B3GALNT2: variants seen among roughly 807,000 people sequenced by gnomAD.
The protein encoded by B3GALNT2 is beta-1,3-N-acetylgalactosaminyltransferase 2, also known as UDP-GalNAc:beta-1,3-N-acetylgalactosaminyltransferase 2.
B3GALNT2 carries 53 observed loss-of-function variants against 61.1 expected under a neutral mutation model. The observed-to-expected ratio is 0.87, with a 90% confidence interval of 0.70 to 1.09. The LOEUF (loss-of-function observed/expected upper bound fraction) is 1.09. Among genes scored for constraint, B3GALNT2 ranks in the 50% least tolerant of loss-of-function variants. The pLI is 0.00. For missense variants in B3GALNT2, 544 were observed against 623.0 expected, an observed-to-expected ratio of 0.87 and a Z score of 1.35; for synonymous variants, 223 against 237.4, an observed-to-expected ratio of 0.94 and a Z score of 0.56.
intron 4 of B3GALNT2, among the ~76,000 whole-genome samples, chr1:235,480,762 T>C (rs1417852884): frequency 2.0e-5 from 3 of 151,202 alleles, no homozygotes; most frequent in African/African-American, 7.3e-5. Flanking sequence ...AAAAATTAGC[T>C]GGGTGTGGTG....
chr1:235,446,940 G>GCTGGT (rs1164357661), downstream of B3GALNT2, among the ~76,000 whole-genome samples: 2 of 152,234 alleles, frequency 1.3e-5, no homozygotes, highest in African/African-American at 4.8e-5. Context: ...CTCCCAAAGT[G>GCTGGT]CTGGGGTTAC....
chr1:235,469,061 C>CTACA (rs1442436182), intron 6 of B3GALNT2, among the ~76,000 whole-genome samples: 2 of 152,138 alleles, frequency 1.3e-5, no homozygotes, highest in Non-Finnish European at 2.9e-5. Flanking sequence ...AAATGTATAA[C>CTACA]TACATATGAA....
rs2102952825 is a variant in B3GALNT2, at chr1:235,447,600, A to G, written c.*2606T>C. On this transcript the variant is annotated 3_prime_UTR_variant, in exon 12 of 12. Coordinates refer to ENST00000366600, the MANE Select transcript of B3GALNT2 (RefSeq NM_152490.5). ...TGGCACCCTAATTTTACAGAGGGGG[A>G]ACTAAGGCCAGAGTTGAGAGATGTC... Among the ~76,000 whole-genome samples, 1 of 152,230 alleles carries G rather than the reference A, an allele frequency of 6.6e-6. No individual in the cohort carries two copies. Among genetic ancestry groups the G allele is most frequent in the East Asian group, 1.9e-4 (1 of 5,186 alleles).
chr1:235,471,428 T>C (rs1047966803), intron 5 of B3GALNT2, among the ~76,000 whole-genome samples: 1 of 152,174 alleles, frequency 6.6e-6, no homozygotes, highest in Non-Finnish European at 1.5e-5. Context: ...TCCTAACAAT[T>C]TGTTTTGTAC....
intron 1 of B3GALNT2, among the ~76,000 whole-genome samples, chr1:235,500,267 T>C (rs1422591033): frequency 1.3e-5 from 2 of 152,120 alleles, no homozygotes; most frequent in Non-Finnish European, 2.9e-5. Flanking sequence ...CCGAGGTGAA[T>C]GAATCGCTTG....
At chr1:235,467,815 T>C (rs1253667367) in intron 6 of B3GALNT2, among the ~76,000 whole-genome samples, 1 of 151,896 alleles carries the variant, frequency 6.6e-6, no homozygotes, top group Non-Finnish European at 1.5e-5. Context: ...GTTTCACTCT[T>C]GTCGCCCAGG....
In B3GALNT2 at chr1:235,499,012, G is replaced by A. The variant is rs568728532; in HGVS notation, c.113-4184C>T. Among the ~76,000 whole-genome samples, 4 of 152,172 alleles carry A rather than the reference G, an allele frequency of 2.6e-5. No homozygotes were observed. In the East Asian group the frequency reaches 5.8e-4, roughly 22 times the overall value. ...AGAACTCATTCTAAAGAAATAATCAGTGATACACTCAGAAGATCTTTATTA... is the reference window on the plus strand; with the variant it reads ...AGAACTCATTCTAAAGAAATAATCAATGATACACTCAGAAGATCTTTATTA... On this transcript the variant is annotated intron_variant, in intron 1 of 11. Transcript: ENST00000366600.
At chr1:235,486,018 G>A (rs986325451) in intron 3 of B3GALNT2, among the ~76,000 whole-genome samples, 6 of 152,124 alleles carry the variant, frequency 3.9e-5, no homozygotes, top group African/African-American at 1.4e-4. Flanking sequence ...TTGAGCCTGG[G>A]AGGAAGAGGC....
At chr1:235,489,045 G>A in intron 3 of B3GALNT2, 123 bp downstream of exon 3, 1 of 1,287,066 alleles carries the variant, frequency 7.8e-7, no homozygotes, top group South Asian at 1.9e-5. Context: ...GCAAGACCCT[G>A]TCTCTAAAAC....
intron 3 of B3GALNT2, among the ~76,000 whole-genome samples, chr1:235,487,864 C>T (rs892936819): frequency 2.6e-5 from 4 of 152,132 alleles, no homozygotes; most frequent in African/African-American, 7.2e-5. Flanking sequence ...TCATAGCTTA[C>T]TGCAGCCTCG....
Position 235,448,593 on chromosome 1 carries a change from T to TG in B3GALNT2, c.*1612dup. The TG allele has an allele frequency of 1.4e-6, 2 of 1,400,238 alleles. No individual in the cohort carries two copies. Among genetic ancestry groups the TG allele is most frequent in the South Asian group, 2.3e-5 (2 of 86,732 alleles). 86.7% of individuals were successfully genotyped at this position (1,400,238 alleles called of 1,614,324 possible). ...GGTAAGCTACTGCCTGGGGACGGGG[T>TG]GGGGGAAGAGTATGTGTAGCATGCT... is the stretch of plus-strand genomic sequence containing the variant. On this transcript the variant is annotated 3_prime_UTR_variant, in exon 12 of 12. Coordinates refer to ENST00000366600, the MANE Select transcript of B3GALNT2 (RefSeq NM_152490.5).
intron 8 of B3GALNT2, among the ~76,000 whole-genome samples, chr1:235,456,089 G>A (rs577469098): frequency 2.8e-4 from 43 of 152,208 alleles, no homozygotes; most frequent in Non-Finnish European, 5.7e-4. Context: ...TTACATCTGG[G>A]CCTCTCACAC....
At chr1:235,444,602 G>T (rs982571929), downstream of B3GALNT2, among the ~76,000 whole-genome samples, 3 of 151,980 alleles carry the variant, frequency 2.0e-5, no homozygotes, top group African/African-American at 7.3e-5. Flanking sequence ...ATGAAGCCTC[G>T]CTATGTTGCT....
chr1:235,441,894 A>C, the B3GALNT2 span: 1 of 1,612,238 alleles, frequency 6.2e-7, no homozygotes, highest in Non-Finnish European at 8.5e-7. Flanking sequence ...TAAGAATCTC[A>C]GATTCAAATA....
chr1:235,492,583 A>G (rs1341830923), intron 2 of B3GALNT2, among the ~76,000 whole-genome samples: 3 of 152,244 alleles, frequency 2.0e-5, no homozygotes, highest in Non-Finnish European at 4.4e-5. Context: ...TTGGGAATAC[A>G]CCAGTGAAAA....
Position 235,504,256 on chromosome 1 carries a change from C to T in B3GALNT2, c.-4G>A, listed in dbSNP as rs1031574410. ...GCAGCACCAGCCAGTTTCGCATTGG[C>T]CGCCCCCGCCGCGAGCCGGGCTCTC... On this transcript the variant is annotated 5_prime_UTR_variant, in exon 1 of 12. Transcript: ENST00000366600. 1.3e-6 allele frequency: 2 copies of T among 1,485,724 alleles called. No individual in the cohort carries two copies. The highest frequency in any genetic ancestry group is 1.8e-6 in the Non-Finnish European group (2 of 1,124,016). 92.0% of individuals were successfully genotyped at this position (1,485,724 alleles called of 1,614,324 possible). A position where few individuals can be genotyped will look rare whatever the true frequency, so the allele number is the denominator to read the frequency against.
At chr1:235,504,013 T>C (rs1230070002) in intron 1 of B3GALNT2, 128 bp downstream of exon 1, 21 of 1,043,954 alleles carry the variant, frequency 2.0e-5, no homozygotes, top group Non-Finnish European at 2.5e-5. Flanking sequence ...GAGCCGTTTG[T>C]TTCGTCTGGG....
chr1:235,451,910 CTG>C (rs1279211784), intron 11 of B3GALNT2: 2 of 152,088 alleles, frequency 1.3e-5, no homozygotes, highest in South Asian at 2.1e-4. Flanking sequence ...TTCAGCAATA[CTG>C]TGTTTTAAAT....
intron 8 of B3GALNT2, among the ~76,000 whole-genome samples, chr1:235,456,795 T>C (rs1002024380): frequency 1.3e-5 from 2 of 152,234 alleles, no homozygotes; most frequent in Admixed American, 6.5e-5. Context: ...TATCCGGGGC[T>C]GACTCTTAGC....
Sources: gnomAD v4.1 joint callset for allele counts (sites outside exome capture counted in the v4.1 genomes callset) on GRCh38, gnomAD v4.1.1 for gene constraint, MANE v1.5 for transcripts, NCBI Gene and HGNC (gene_info 2026-07-23, HGNC 2026-07-21) for gene names.